The following PRPF8 variants were observed in gnomAD, a reference collection of about 807,000 sequenced individuals.
PRPF8 encodes pre-mRNA processing factor 8.
Under a neutral mutation model 285.9 loss-of-function variants are expected in PRPF8, and 64 were observed. That is an observed-to-expected ratio of 0.22 (90% CI 0.18 to 0.28). PRPF8 has a LOEUF of 0.28. Ranked by LOEUF, PRPF8 falls within the 10% of genes least tolerant of loss-of-function variation. The pLI is 1.00. For missense variants in PRPF8, 1,426 were observed against 3,026.7 expected (o/e 0.47, Z 12.41); for synonymous variants, 1,325 against 1,118.2 (o/e 1.18, Z -3.69).
Position 1,661,477 on chromosome 17 carries a change from A to G in PRPF8, c.4203-71T>C. 1.2e-6 allele frequency: 2 copies of G among 1,612,320 alleles called. No homozygotes were observed. The highest frequency in any genetic ancestry group is 1.3e-5 in the African/African-American group (1 of 75,042). ...GGAGCTCAGCACTCCTTCCTGGCCAAAAATAATTAGGGTCAGTAGAACCAG... is the reference window on the plus strand; with the variant it reads ...GGAGCTCAGCACTCCTTCCTGGCCAGAAATAATTAGGGTCAGTAGAACCAG... On this transcript the variant is annotated intron_variant, in intron 26 of 42. Coordinates refer to ENST00000304992, the MANE Select transcript of PRPF8 (RefSeq NM_006445.4). This position sits in a 1 kb window ranked among gnomAD's most constrained non-coding sequence, Gnocchi z 7.3.
chr17:1,675,571 A>G lies in PRPF8; in HGVS notation c.2872+49T>C. ...ACCCAGATGAGATTTTTGACGTAGA[A>G]CTAAATTCCTGCCCCGTTCCTCACA... is the stretch of plus-strand genomic sequence containing the variant. On this transcript the variant is annotated intron_variant, in intron 19 of 42. Transcript: ENST00000304992. This position sits in a 1 kb window ranked among gnomAD's most constrained non-coding sequence, Gnocchi z 6.0. The G allele has an allele frequency of 6.2e-7, 1 of 1,610,596 alleles. No homozygotes were observed. Among genetic ancestry groups the G allele is most frequent in the Non-Finnish European group, 8.5e-7 (1 of 1,176,988 alleles).
At chr17:1,657,969 T>TAAAA (rs58695090) in intron 34 of PRPF8, among the ~76,000 whole-genome samples, 1 of 94,052 alleles carries the variant, frequency 1.1e-5, no homozygotes, top group African/African-American at 3.2e-5. Flanking sequence ...AGACTCCGGC[T>TAAAA]AAAAAAAAAA....
At position 1,679,134 on chromosome 17, in the gene PRPF8, G is replaced by A; in HGVS notation, c.1482C>T (p.Leu494=). The change falls in exon 11 of 43, where the codon CTC becomes CTT. Residue 494 remains leucine, a synonymous_variant. Transcript: ENST00000304992. This position sits in a 1 kb window ranked among gnomAD's most constrained non-coding sequence, Gnocchi z 4.7. ...STKLDWVEVG[L]QVCRQGYNML... ...TGTTGTAGCCCTGGCGGCAAACCTG[G>A]AGCCCAACCTCCACCCAGTCCAGCT... The A allele has an allele frequency of 6.2e-7, 1 of 1,614,192 alleles. No homozygotes were observed. Among genetic ancestry groups the A allele is most frequent in the African/African-American group, 1.3e-5 (1 of 75,042 alleles).
intron 13 of PRPF8, among the ~76,000 whole-genome samples, chr17:1,678,081 G>A (rs888115739): frequency 2.0e-5 from 3 of 152,158 alleles, no homozygotes; most frequent in Non-Finnish European, 4.4e-5. Context: ...TTGGGAGGCC[G>A]AGGAGTGTGG....
At chr17:1,664,599 G>A (rs1567681717) in intron 24 of PRPF8, among the ~76,000 whole-genome samples, 2 of 139,530 alleles carry the variant, frequency 1.4e-5, no homozygotes, top group Non-Finnish European at 3.0e-5. Flanking sequence ...TTGCGCCCAG[G>A]AGTTTGGGTC....
intron 24 of PRPF8, among the ~76,000 whole-genome samples, chr17:1,669,339 T>TCA (rs1372140352): frequency 1.3e-5 from 2 of 152,278 alleles, no homozygotes; most frequent in Non-Finnish European, 2.9e-5. Context: ...ACTCCTGACT[T>TCA]GGTGATTCAC....
Position 1,676,801 on chromosome 17 carries a change from G to C in PRPF8, c.2182-90C>G, listed in dbSNP as rs1912624465. The C allele has an allele frequency of 6.6e-7, 1 of 1,515,178 alleles. No individual in the cohort carries two copies. The highest frequency in any genetic ancestry group is 9.1e-7 in the Non-Finnish European group (1 of 1,098,650). The allele number at this position is 1,515,178 out of a possible 1,614,324, so 93.9% of individuals were successfully genotyped here. A position where few individuals can be genotyped will look rare whatever the true frequency, so the allele number is the denominator to read the frequency against. On this transcript the variant is annotated intron_variant, in intron 15 of 42. Transcript: ENST00000304992. The surrounding 1 kb of genome is among the most constrained non-coding windows in gnomAD (Gnocchi z 6.3). ...CCCGGCTACTCAGGAGGCTAAGGAGGATCGCTTGAGCTCAGGAGCTTGAGG... is the reference window on the plus strand; with the variant it reads ...CCCGGCTACTCAGGAGGCTAAGGAGCATCGCTTGAGCTCAGGAGCTTGAGG...
chr17:1,661,674 A>G lies in PRPF8; in HGVS notation c.4139T>C (p.Ile1380Thr). 3 of 1,614,116 alleles carry G rather than the reference A, an allele frequency of 1.9e-6. No individual in the cohort carries two copies. Among genetic ancestry groups the G allele is most frequent in the South Asian group, 2.2e-5 (2 of 91,080 alleles). The change falls in exon 26 of 43, where the codon ATT (isoleucine) becomes ACT (threonine). Residue 1380 changes from isoleucine (I) to threonine (T), a missense_variant. Physicochemically the swap from Ile to Thr is moderately conservative, Grantham distance 89. Coordinates refer to ENST00000304992, the MANE Select transcript of PRPF8 (RefSeq NM_006445.4). This position sits in a 1 kb window ranked among gnomAD's most constrained non-coding sequence, Gnocchi z 7.3. ...RYIQPWESEF[I>T]DSQRVWAEYA... ...CTCAGCCCAGACCCGCTGAGAATCA[A>G]TGAACTCGCTCTCCCATGGCTGTAT...
At chr17:1,657,958 G>A (rs550945326) in intron 34 of PRPF8, among the ~76,000 whole-genome samples, 18 of 140,020 alleles carry the variant, frequency 1.3e-4, no homozygotes, top group East Asian at 4.0e-4. Flanking sequence ...GCCACACAGC[G>A]AGACTCCGGC....
chr17:1,651,085 A>T lies in PRPF8; in HGVS notation c.6853+23T>A. 1.9e-6 allele frequency: 3 copies of T among 1,614,092 alleles called. No individual in the cohort carries two copies. ...ACCTTATCCCTACTGCTATCCCCAC[A>T]TCCCCAGGCTCCTCCCACTTACCCA... is the stretch of plus-strand genomic sequence containing the variant. On this transcript the variant is annotated intron_variant, in intron 42 of 42. Coordinates refer to ENST00000304992, the MANE Select transcript of PRPF8 (RefSeq NM_006445.4). The surrounding 1 kb of genome is among the most constrained non-coding windows in gnomAD (Gnocchi z 5.1).
At chr17:1,664,473 T>C (rs1051406010) in intron 24 of PRPF8, among the ~76,000 whole-genome samples, 9 of 151,980 alleles carry the variant, frequency 5.9e-5, no homozygotes, top group East Asian at 1.9e-4. Flanking sequence ...CCAGCACACA[T>C]AGGACAGGCA....
chr17:1,683,888 C>CTT (rs112914461), intron 2 of PRPF8, among the ~76,000 whole-genome samples, 187 bp from the exon 3 acceptor site: 14 of 140,504 alleles, frequency 1.0e-4, no homozygotes, highest in Non-Finnish European at 1.6e-4. Flanking sequence ...CACTATCTGA[C>CTT]TTTTTTTTTT....
At chr17:1,667,496 G>A (rs550884096) in intron 24 of PRPF8, among the ~76,000 whole-genome samples, 8 of 139,914 alleles carry the variant, frequency 5.7e-5, no homozygotes, top group Admixed American at 4.8e-4. Flanking sequence ...TACCTCTTAT[G>A]TCTTCATAAA....
chr17:1,667,386 T>C (rs1278520613), intron 24 of PRPF8, among the ~76,000 whole-genome samples: 1 of 152,166 alleles, frequency 6.6e-6, no homozygotes, highest in Non-Finnish European at 1.5e-5. Context: ...CTTTACTAAA[T>C]AGCAGAAATT....
Position 1,679,663 on chromosome 17 carries a change from T to C in PRPF8, c.1235A>G (p.Asn412Ser), listed in dbSNP as rs778586970. ...CCGACGGGTGCGACCAGAGCGTAGG[T>C]TGAAGGGCCGCGGGGCCCAGAGCAG... ...IALLWAPRPF[N>S]LRSGRTRRAL... The change falls in exon 9 of 43, where the codon AAC (asparagine) becomes AGC (serine). Residue 412 changes from asparagine to serine, a missense_variant. Around this residue, in one of 34 missense-constraint regions of PRPF8, gnomAD observed 137 missense variants for 161.2 expected, o/e 0.85. Coordinates refer to ENST00000304992, the MANE Select transcript of PRPF8 (RefSeq NM_006445.4). This position sits in a 1 kb window ranked among gnomAD's most constrained non-coding sequence, Gnocchi z 4.7. 7.4e-6 allele frequency: 12 copies of C among 1,613,972 alleles called. No individual in the cohort carries two copies. Among genetic ancestry groups the C allele is most frequent in the Middle Eastern group, 1.7e-4 (1 of 6,032 alleles).
At chr17:1,670,161 TTAAATATGTATCTTGGAAC>T (rs1351003492) in intron 24 of PRPF8, among the ~76,000 whole-genome samples, 1 of 152,212 alleles carries the variant, frequency 6.6e-6, no homozygotes, top group Non-Finnish European at 1.5e-5. Context: ...ATATATGTAC[TTAAATATGTATCTTGGAAC>T]TGAAGAAATA....
At chr17:1,665,923 G>A (rs144422710) in intron 24 of PRPF8, among the ~76,000 whole-genome samples, 14 of 151,882 alleles carry the variant, frequency 9.2e-5, no homozygotes, top group African/African-American at 3.4e-4. Flanking sequence ...CACTTTGGGA[G>A]GCCGAGGCAA....
At chr17:1,681,180 A>C (rs1912902368) in intron 6 of PRPF8, 126 bp from the exon 7 acceptor site, 1 of 1,074,306 alleles carries the variant, frequency 9.3e-7, no homozygotes, top group Non-Finnish European at 1.4e-6. Flanking sequence ...CTGGGCTCAA[A>C]CAATCCTCCC....
chr17:1,662,314 C>T (rs571784775), intron 24 of PRPF8, among the ~76,000 whole-genome samples, 161 bp from the exon 25 acceptor site: 3 of 152,268 alleles, frequency 2.0e-5, no homozygotes, highest in South Asian at 2.1e-4. Flanking sequence ...TGAGGCTGGG[C>T]GCGATGGCTC....
Sources: gnomAD v4.1 joint callset for allele counts (sites outside exome capture counted in the v4.1 genomes callset) on GRCh38, gnomAD v4.1.1 for gene constraint, gnomAD v4.1.1 regional missense constraint, Gnocchi (gnomAD v3.1) non-coding constraint, MANE v1.5 for transcripts, NCBI Gene and HGNC (gene_info 2026-07-23, HGNC 2026-07-21) for gene names.